The following NRCAM variants were observed in gnomAD, a reference collection of about 807,000 sequenced individuals.
NRCAM encodes NgCAM-related cell adhesion molecule.
In NRCAM, 83 loss-of-function variants were observed where a neutral mutation model predicts 156.5. The ratio of observed to expected loss-of-function variants is 0.53; its 90% CI spans 0.44 to 0.64. NRCAM has a LOEUF of 0.64. Among genes scored for constraint, NRCAM ranks in the 30% least tolerant of loss-of-function variants. The pLI, the probability that NRCAM is intolerant of heterozygous loss-of-function variation, is 0.00. For synonymous variants in NRCAM, 538 were observed against 563.9 expected (o/e 0.95, Z 0.65); for missense variants, 1,417 against 1,597.3 (o/e 0.89, Z 1.92).
At chr7:108,293,567 G>A (rs563901918) in intron 3 of NRCAM, among the ~76,000 whole-genome samples, 1 of 152,306 alleles carries the variant, frequency 6.6e-6, no homozygotes, top group South Asian at 2.1e-4. Flanking sequence ...GCAGTACACT[G>A]TGATACTGGC....
intron 3 of NRCAM, among the ~76,000 whole-genome samples, chr7:108,267,331 G>A (rs147330691): frequency 1.3e-5 from 2 of 152,186 alleles, no homozygotes; most frequent in African/African-American, 4.8e-5. Context: ...CTTTGATTTT[G>A]CTGTTGCCAG....
At position 108,436,362 on chromosome 7, in the gene NRCAM, A is replaced by G. The variant is rs923168826; in HGVS notation, c.-332+19881T>C. On this transcript the variant is annotated intron_variant, in intron 1 of 32. Transcript: ENST00000379028. ...AAATGAGAGAATTTTGATATTGATT[A>G]GATATTCTAATATAGAAATAATTTA... Among the ~76,000 whole-genome samples the G allele has an allele frequency of 3.9e-5, 6 of 152,352 alleles. No individual in the cohort carries two copies. In the East Asian group the frequency reaches 1.2e-3, roughly 29 times the overall value.
At chr7:108,154,413 TTATTA>T (rs1285690905) in intron 32 of NRCAM, among the ~76,000 whole-genome samples, 1 of 152,152 alleles carries the variant, frequency 6.6e-6, no homozygotes, top group African/African-American at 2.4e-5. Flanking sequence ...CTAAACTCTC[TTATTA>T]TAATATTTGC....
At chr7:108,429,609 G>A (rs1472807848) in intron 1 of NRCAM, among the ~76,000 whole-genome samples, 1 of 152,196 alleles carries the variant, frequency 6.6e-6, no homozygotes, top group Non-Finnish European at 1.5e-5. Context: ...GTTTCAGGGT[G>A]CCCATGATGT....
chr7:108,330,311 G>A (rs551187549), intron 2 of NRCAM, among the ~76,000 whole-genome samples: 29 of 152,258 alleles, frequency 1.9e-4, no homozygotes, highest in Non-Finnish European at 2.6e-4. Context: ...AAGAACAGTG[G>A]AAGGACTACT....
intron 2 of NRCAM, among the ~76,000 whole-genome samples, chr7:108,327,185 G>A (rs2099078260): frequency 6.6e-6 from 1 of 152,166 alleles, no homozygotes; most frequent in East Asian, 1.9e-4. Context: ...GCCTGGGTGG[G>A]AATTCAGCTC....
intron 29 of NRCAM, 76 bp downstream of exon 29, chr7:108,168,201 A>G: frequency 2.9e-6 from 4 of 1,369,668 alleles, no homozygotes; most frequent in Non-Finnish European, 3.8e-6. Context: ...TCCATAGTAA[A>G]TTCTTAAGAA....
chr7:108,353,076 A>T (rs1291128493), intron 2 of NRCAM, among the ~76,000 whole-genome samples: 1 of 151,344 alleles, frequency 6.6e-6, no homozygotes, highest in African/African-American at 2.4e-5. Flanking sequence ...AAATCCAAAC[A>T]TTACAGAAAT....
intron 2 of NRCAM, among the ~76,000 whole-genome samples, chr7:108,316,788 CAAAAA>C (rs35502722): frequency 8.0e-6 from 1 of 124,866 alleles, no homozygotes. Context: ...GACTCCATCT[CAAAAA>C]AAAAAAAAAA....
chr7:108,347,455 C>T (rs2099366650), intron 2 of NRCAM, among the ~76,000 whole-genome samples: 1 of 152,130 alleles, frequency 6.6e-6, no homozygotes, highest in Non-Finnish European at 1.5e-5. Context: ...GAGATAAACT[C>T]TGTCTAGGCT....
chr7:108,405,970 T>A (rs200225327), intron 1 of NRCAM, among the ~76,000 whole-genome samples: 36 of 149,670 alleles, frequency 2.4e-4, no homozygotes, highest in African/African-American at 6.4e-4. Flanking sequence ...TTTTTTTTTT[T>A]AATTTAAAAA....
intron 2 of NRCAM, among the ~76,000 whole-genome samples, chr7:108,373,193 A>G (rs2099640351): frequency 6.6e-6 from 1 of 152,152 alleles, no homozygotes; most frequent in South Asian, 2.1e-4. Flanking sequence ...AAGGGGTGGA[A>G]GTAGGAGGAA....
chr7:108,328,590 A>C (rs1261433275), intron 2 of NRCAM: 2 of 152,214 alleles, frequency 1.3e-5, no homozygotes, highest in African/African-American at 4.8e-5. Flanking sequence ...CCTGACAGCC[A>C]ATCCAAAGCT....
At chr7:108,429,100 C>T (rs2154456461) in intron 1 of NRCAM, among the ~76,000 whole-genome samples, 1 of 152,274 alleles carries the variant, frequency 6.6e-6, no homozygotes, top group Admixed American at 6.5e-5. Flanking sequence ...TAATTGACAA[C>T]ATTTAATTTT....
chr7:108,180,501 C>T (rs2062852042), intron 24 of NRCAM, 74 bp from the exon 25 acceptor site: 3 of 1,243,614 alleles, frequency 2.4e-6, no homozygotes, highest in Admixed American at 2.1e-5. Context: ...AAAATTGAAA[C>T]TGTTGTTTTT....
At chr7:108,454,952 G>A (rs1189072515) in intron 1 of NRCAM, among the ~76,000 whole-genome samples, 8 of 152,262 alleles carry the variant, frequency 5.3e-5, no homozygotes, top group African/African-American at 1.9e-4. Context: ...AAGGGAAGGA[G>A]AGAGGCGGGG....
Position 108,197,972 on chromosome 7 carries a change from T to C in NRCAM, c.1335A>G (p.Ala445=), listed in dbSNP as rs1019976432. ...SNEYGYLLAN[A]FVNVLAEPPR... ...AGAGCTTACCCAGCACATTTACAAA[T>C]GCGTTTGCCAGTAAATATCCATATT... Residue 445 remains alanine, a synonymous_variant, in exon 14 of 33, where the codon GCA becomes GCG. Coordinates refer to ENST00000379028, the MANE Select transcript of NRCAM (RefSeq NM_001037132.4). The C allele has an allele frequency of 2.8e-5, 44 of 1,576,718 alleles. No homozygotes were observed. Among genetic ancestry groups the C allele is most frequent in the Non-Finnish European group, 3.8e-5 (44 of 1,164,680 alleles).
chr7:108,375,173 T>C (rs1169738158), intron 2 of NRCAM, among the ~76,000 whole-genome samples: 3 of 152,088 alleles, frequency 2.0e-5, no homozygotes, highest in African/African-American at 7.2e-5. Flanking sequence ...GCTATATATG[T>C]GCCTATTTCC....
chr7:108,299,296 G>A (rs889800115), intron 3 of NRCAM, among the ~76,000 whole-genome samples: 1 of 151,724 alleles, frequency 6.6e-6, no homozygotes, highest in African/African-American at 2.4e-5. Flanking sequence ...TGAATAAAAC[G>A]TGGCTCAAGT....
Sources: gnomAD v4.1 joint callset for allele counts (sites outside exome capture counted in the v4.1 genomes callset) on GRCh38, gnomAD v4.1.1 for gene constraint, MANE v1.5 for transcripts, NCBI Gene and HGNC (gene_info 2026-07-23, HGNC 2026-07-21) for gene names.